DAGLB: variants seen among roughly 807,000 people sequenced by gnomAD.
DAGLB encodes diacylglycerol lipase beta.
DAGLB carries 66 observed loss-of-function variants against 72.1 expected under a neutral mutation model. The observed-to-expected ratio is 0.92, with a 90% CI of 0.75 to 1.12. DAGLB has a LOEUF of 1.12. DAGLB is among the 50% of genes most tolerant of loss of function. DAGLB has a pLI of 0.00. For synonymous variants in DAGLB, 414 were observed against 359.5 expected (o/e 1.15, Z -1.71); for missense variants, 1,065 against 884.9 (o/e 1.20, Z -2.58).
At chr7:6,429,430 C>T (rs1458649898) in intron 6 of DAGLB, among the ~76,000 whole-genome samples, 2 of 151,394 alleles carry the variant, frequency 1.3e-5, no homozygotes, top group Admixed American at 6.6e-5. Flanking sequence ...CTAGATGTAA[C>T]GCATCATCCT....
intron 11 of DAGLB, among the ~76,000 whole-genome samples, chr7:6,414,701 G>C (rs1052068574): frequency 6.6e-6 from 1 of 152,052 alleles, no homozygotes; most frequent in African/African-American, 2.4e-5. Context: ...TGGAAATTAT[G>C]ACCAGCCCTG....
At chr7:6,433,776 G>T (rs953662218) in intron 4 of DAGLB, among the ~76,000 whole-genome samples, 1 of 150,722 alleles carries the variant, frequency 6.6e-6, no homozygotes, top group Non-Finnish European at 1.5e-5. Flanking sequence ...AGAATCTCTC[G>T]AACACAGGAG....
At chr7:6,432,000 G>C (rs1784500488) in intron 5 of DAGLB, among the ~76,000 whole-genome samples, 1 of 152,046 alleles carries the variant, frequency 6.6e-6, no homozygotes, top group Non-Finnish European at 1.5e-5. Context: ...CGTGACATGA[G>C]TTTACCGGTG....
chr7:6,419,223 T>A (rs1379050779), intron 9 of DAGLB, among the ~76,000 whole-genome samples: 1 of 151,926 alleles, frequency 6.6e-6, no homozygotes, highest in East Asian at 1.9e-4. Context: ...GGTTTTACCG[T>A]GTTGGCCAGG....
chr7:6,430,602 A>G lies in DAGLB; in HGVS notation c.807T>C (p.Ala269=). The G allele has an allele frequency of 6.3e-7, 1 of 1,592,862 alleles. No individual in the cohort carries two copies. Among genetic ancestry groups the G allele is most frequent in the Non-Finnish European group, 8.6e-7 (1 of 1,166,388 alleles). Residue 269 remains alanine (A), a synonymous_variant, in exon 6 of 15, where the codon GCT becomes GCC. Coordinates refer to ENST00000297056, the MANE Select transcript of DAGLB (RefSeq NM_139179.4). The part of the protein sequence containing the change: ...VCHAPGSSQE[A]DLDAELENCH... ...AGTTTTCTAATTCTGCATCCAGATC[A>G]GCTTCCTACAAGAGAAGGACAAAAA... is the stretch of plus-strand genomic sequence containing the variant.
chr7:6,436,089 GA>G (rs59029211), intron 3 of DAGLB, among the ~76,000 whole-genome samples: 2,520 of 109,512 alleles, frequency 0.023, 69 homozygotes, highest in African/African-American at 0.075. Context: ...AAGAAAAAAA[GA>G]AAAAAAAAAA....
At chr7:6,423,451 G>C (rs1459117807) in intron 8 of DAGLB, among the ~76,000 whole-genome samples, 2 of 149,824 alleles carry the variant, frequency 1.3e-5, no homozygotes, top group Non-Finnish European at 3.0e-5. Flanking sequence ...TTGAGACAGA[G>C]TCTCGATCTG....
At chr7:6,411,691 G>C (rs1783733639) in intron 13 of DAGLB, among the ~76,000 whole-genome samples, 1 of 152,102 alleles carries the variant, frequency 6.6e-6, no homozygotes. Context: ...TTTCTGATTA[G>C]GAACAAAACC....
Position 6,415,370 on chromosome 7 carries a change from T to G in DAGLB, c.1427+1257A>C, listed in dbSNP as rs568058025. Among the ~76,000 whole-genome samples, 502 of 152,046 alleles carry G rather than the reference T, an allele frequency of 3.3e-3. 5 individuals are homozygous for G. Among genetic ancestry groups the G allele is most frequent in the Non-Finnish European group, 5.6e-3 (380 of 67,968 alleles). ...AACCAAGTGTGCGAAGAAAAGCTCT[T>G]TTTGTTCTTTACGTACATACTTTTT... On this transcript the variant is annotated intron_variant, in intron 11 of 14. Coordinates refer to ENST00000297056, the MANE Select transcript of DAGLB (RefSeq NM_139179.4).
intron 13 of DAGLB, among the ~76,000 whole-genome samples, chr7:6,411,232 C>T (rs925293213): frequency 6.6e-6 from 1 of 151,612 alleles, no homozygotes. Flanking sequence ...TGGTCTCGAA[C>T]TCCCGACCTC....
intron 11 of DAGLB, among the ~76,000 whole-genome samples, chr7:6,414,799 G>T (rs1390231247): frequency 6.6e-6 from 1 of 151,954 alleles, no homozygotes; most frequent in African/African-American, 2.4e-5. Flanking sequence ...AGAAACGGTT[G>T]ATTCCAGATA....
At chr7:6,428,327 A>AG (rs1422607003) in intron 6 of DAGLB, among the ~76,000 whole-genome samples, 2 of 150,396 alleles carry the variant, frequency 1.3e-5, no homozygotes, top group African/African-American at 4.9e-5. Context: ...AAAAAAAAAA[A>AG]AAAAAAAAGA....
chr7:6,417,039 T>C, intron 9 of DAGLB, 118 bp from the exon 10 acceptor site: 11 of 1,146,588 alleles, frequency 9.6e-6, no homozygotes, highest in Non-Finnish European at 1.4e-5. Context: ...GATCTGAGAC[T>C]GCAGAATCAG....
In DAGLB at chr7:6,436,364, G is replaced by T; in HGVS notation, c.417C>A (p.Val139=). Residue 139 remains valine (V), a splice_region_variant and synonymous_variant, in exon 3 of 15, where the codon GTC becomes GTA. Coordinates refer to ENST00000297056, the MANE Select transcript of DAGLB (RefSeq NM_139179.4). ...VVNGIIATVV[V]SWIIIAATVV... is the part of the protein sequence containing the mutation. The stretch of plus-strand genomic sequence containing the variant: ...AAAGAGAAGAAGGGAGATGTCACCT[G>T]ACCACGACGGTTGCGATGATGCCGT... 1 of 1,607,640 alleles carries T rather than the reference G, an allele frequency of 6.2e-7. No homozygotes were observed. Among genetic ancestry groups the T allele is most frequent in the South Asian group, 1.1e-5 (1 of 89,988 alleles).
intron 13 of DAGLB, among the ~76,000 whole-genome samples, chr7:6,410,588 TGA>T (rs754420610): frequency 6.6e-6 from 1 of 152,152 alleles, no homozygotes; most frequent in Admixed American, 6.5e-5. Flanking sequence ...TCACAGATCA[TGA>T]GTGTGGGCTC....
At chr7:6,428,364 G>T (rs1326925419) in intron 6 of DAGLB, among the ~76,000 whole-genome samples, 1 of 150,166 alleles carries the variant, frequency 6.7e-6, no homozygotes, top group African/African-American at 2.4e-5. Context: ...GAAAAATCAT[G>T]ATTTTGCCAC....
intron 13 of DAGLB, chr7:6,412,531 C>T (rs148094727): frequency 2.9e-5 from 13 of 441,152 alleles, no homozygotes; most frequent in Middle Eastern, 6.4e-4. Context: ...AGGGATCCTC[C>T]TGCCTTGGCC....
In DAGLB at chr7:6,431,198, AG is replaced by A. The variant is rs1199471450; in HGVS notation, c.802-592del. Among the ~76,000 whole-genome samples, 4 of 152,074 alleles carry A rather than the reference AG, an allele frequency of 2.6e-5. No individual in the cohort carries two copies. The South Asian group carries it at 8.3e-4, about 32-fold the overall frequency. ...GCTTCCTATCTAGATGCCTGAAACT[AG>A]TACATTTCCATGCCACTGCCACACA... is the stretch of plus-strand genomic sequence containing the variant. On this transcript the variant is annotated intron_variant, in intron 5 of 14. Transcript: ENST00000297056.
chr7:6,432,795 G>A, intron 5 of DAGLB, 42 bp downstream of exon 5: 3 of 1,595,666 alleles, frequency 1.9e-6, no homozygotes, highest in Non-Finnish European at 2.6e-6. Flanking sequence ...CCACCAAAAG[G>A]TGTAAGTGTC....
Sources: gnomAD v4.1 joint callset for allele counts (sites outside exome capture counted in the v4.1 genomes callset) on GRCh38, gnomAD v4.1.1 for gene constraint, MANE v1.5 for transcripts, NCBI Gene and HGNC (gene_info 2026-07-23, HGNC 2026-07-21) for gene names.